Variants in SLC8A1 observed in about 807,000 individuals in gnomAD.
The protein encoded by SLC8A1 is sodium/calcium exchanger 1.
In SLC8A1, 18 loss-of-function variants were observed where a neutral mutation model predicts 68.3. That is an observed-to-expected ratio of 0.26 (90% CI 0.18 to 0.39). The LOEUF is 0.39. Among genes scored for constraint, SLC8A1 ranks in the 10% least tolerant of loss-of-function variants. The probability of loss-of-function intolerance (pLI) is 1.00; values close to 1 mark genes in which losing one functional copy is unlikely to be tolerated. For synonymous variants in SLC8A1, 475 were observed against 415.5 expected (o/e 1.14, Z -1.74); for missense variants, 985 against 1,156.7 (o/e 0.85, Z 2.15).
chr2:40,236,993 T>C (rs2060480597), intron 2 of SLC8A1, among the ~76,000 whole-genome samples: 1 of 151,666 alleles, frequency 6.6e-6, no homozygotes, highest in African/African-American at 2.4e-5. Context: ...TGGGCTTCCC[T>C]TTGAGGGTAA....
intron 2 of SLC8A1, among the ~76,000 whole-genome samples, chr2:40,381,897 C>T (rs1026127332): frequency 1.3e-5 from 2 of 151,868 alleles, no homozygotes; most frequent in African/African-American, 4.8e-5. Flanking sequence ...TCCCTAATTC[C>T]TGTTCTCCTC....
chr2:40,430,364 C>T (rs1263802316), intron 1 of SLC8A1, 60 bp from the exon 2 acceptor site: 3 of 1,452,042 alleles, frequency 2.1e-6, no homozygotes, highest in Non-Finnish European at 1.8e-6. Context: ...GAGCTGCAGC[C>T]AAAGCATTAC....
At chr2:40,284,564 ATT>A (rs1470690136) in intron 2 of SLC8A1, among the ~76,000 whole-genome samples, 2 of 147,272 alleles carry the variant, frequency 1.4e-5, no homozygotes, top group African/African-American at 4.9e-5. Flanking sequence ...TGTTATATAT[ATT>A]GTTATATATC....
At position 40,430,285 on chromosome 2, in the gene SLC8A1, C is replaced by T; in HGVS notation, c.-5G>A. The T allele has an allele frequency of 6.3e-7, 1 of 1,599,450 alleles. No homozygotes were observed. The highest frequency in any genetic ancestry group is 8.5e-7 in the Non-Finnish European group (1 of 1,173,004). ...TAATCGCCGCATGTTGTACATGACA[C>T]TTCCAACTGTCACAACCTACTGGTA... is the stretch of plus-strand genomic sequence containing the variant. On this transcript the variant is annotated 5_prime_UTR_variant, in exon 2 of 8. In the 5' UTR this introduces an upstream ATG that the reference lacks. Coordinates refer to ENST00000406785, the Ensembl canonical transcript of SLC8A1.
chr2:40,418,980 C>T (rs1021903289), intron 2 of SLC8A1, among the ~76,000 whole-genome samples: 3 of 152,154 alleles, frequency 2.0e-5, no homozygotes, highest in Non-Finnish European at 2.9e-5. Flanking sequence ...TCAGGTGGCA[C>T]TGAGAGAAGG....
intron 2 of SLC8A1, among the ~76,000 whole-genome samples, chr2:40,179,672 T>C (rs1573645155): frequency 6.6e-6 from 1 of 152,320 alleles, no homozygotes; most frequent in East Asian, 1.9e-4. Context: ...GGCCATTCTT[T>C]AATTTTGGTG....
intron 2 of SLC8A1, among the ~76,000 whole-genome samples, chr2:40,196,543 G>A (rs1451685751): frequency 6.6e-6 from 1 of 151,944 alleles, no homozygotes; most frequent in African/African-American, 2.4e-5. Flanking sequence ...CAGAGCCTCT[G>A]CATGCGTAGA....
intron 1 of SLC8A1, among the ~76,000 whole-genome samples, chr2:40,492,203 A>G (rs1705360220): frequency 6.6e-6 from 1 of 152,256 alleles, no homozygotes; most frequent in Admixed American, 6.5e-5. Flanking sequence ...ATCTACAACT[A>G]TCTGATCTTT....
chr2:40,214,870 G>T (rs1047392231), intron 2 of SLC8A1, among the ~76,000 whole-genome samples: 1 of 152,104 alleles, frequency 6.6e-6, no homozygotes, highest in Non-Finnish European at 1.5e-5. Flanking sequence ...GATATTTGAG[G>T]GCTGTCTCAT....
intron 2 of SLC8A1, among the ~76,000 whole-genome samples, chr2:40,261,656 G>C (rs972275709): frequency 6.6e-6 from 1 of 152,166 alleles, no homozygotes; most frequent in Non-Finnish European, 1.5e-5. Flanking sequence ...ATGCTACTCT[G>C]TATGACAAAA....
intron 1 of SLC8A1, among the ~76,000 whole-genome samples, chr2:40,498,457 T>C (rs933068879): frequency 6.6e-6 from 1 of 152,100 alleles, no homozygotes; most frequent in Non-Finnish European, 1.5e-5. Flanking sequence ...AATTTCAATG[T>C]TCAAATTAAA....
chr2:40,116,121 A>G (rs1287131882), intron 7 of SLC8A1, among the ~76,000 whole-genome samples: 7 of 152,206 alleles, frequency 4.6e-5, no homozygotes, highest in Admixed American at 4.6e-4. Flanking sequence ...AAGATGCTGT[A>G]TCAGCAGCTC....
chr2:40,322,785 T>A (rs1368224275), intron 2 of SLC8A1, among the ~76,000 whole-genome samples: 1 of 151,698 alleles, frequency 6.6e-6, no homozygotes, highest in Non-Finnish European at 1.5e-5. Flanking sequence ...TTATAATAAA[T>A]GCCACTTATA....
At chr2:40,211,643 A>G (rs1407673944) in intron 2 of SLC8A1, among the ~76,000 whole-genome samples, 2 of 152,190 alleles carry the variant, frequency 1.3e-5, no homozygotes, top group Non-Finnish European at 2.9e-5. Flanking sequence ...TATGGAAGTG[A>G]AATGAATGGA....
At chr2:40,177,368 G>C (rs2048667892) in intron 3 of SLC8A1, among the ~76,000 whole-genome samples, 1 of 152,086 alleles carries the variant, frequency 6.6e-6, no homozygotes, top group Admixed American at 6.6e-5. Flanking sequence ...GCTTTATTGA[G>C]GTATGATTGA....
chr2:40,391,327 G>A (rs1057351131), intron 2 of SLC8A1, among the ~76,000 whole-genome samples: 3 of 151,906 alleles, frequency 2.0e-5, no homozygotes, highest in East Asian at 3.9e-4. Flanking sequence ...AGTGATGTTC[G>A]TGGGACATAA....
At chr2:40,216,275 G>A (rs1226066493) in intron 2 of SLC8A1, among the ~76,000 whole-genome samples, 1 of 152,074 alleles carries the variant, frequency 6.6e-6, no homozygotes, top group African/African-American at 2.4e-5. Flanking sequence ...CTGTTCCTGA[G>A]TTAGTTTGCT....
At chr2:40,315,840 AAAC>A (rs943861200) in intron 2 of SLC8A1, among the ~76,000 whole-genome samples, 3 of 152,016 alleles carry the variant, frequency 2.0e-5, no homozygotes, top group African/African-American at 7.2e-5. Flanking sequence ...ATGTATTAAG[AAAC>A]AAAAGGGGGA....
At position 40,501,076 on chromosome 2, in the gene SLC8A1, A is replaced by C. The variant is rs530382194; in HGVS notation, c.-25+11273T>G. ...AAACATATCAAGTTGTTCCTACTTC[A>C]AGGCCTTTCCTTTGCTGCATTTTTC... On this transcript the variant is annotated intron_variant, in intron 1 of 7. Coordinates refer to the SLC8A1 transcript ENST00000402441. Among the ~76,000 whole-genome samples the C allele has an allele frequency of 2.0e-5, 3 of 152,050 alleles. No individual in the cohort carries two copies. In the South Asian group the frequency reaches 6.2e-4, roughly 32 times the overall value.
Sources: allele counts gnomAD v4.1 joint callset (sites outside exome capture counted in the v4.1 genomes callset), GRCh38; gene constraint gnomAD v4.1.1; transcripts MANE v1.5; gene names NCBI Gene and HGNC (gene_info 2026-07-23, HGNC 2026-07-21).